Variants in EPHA7 observed in about 807,000 individuals in gnomAD.
EPHA7 encodes EPH receptor A7, also known as ephrin type-A receptor 7.
In EPHA7, 25 loss-of-function variants were observed where a neutral mutation model predicts 112.6. That is an observed-to-expected ratio of 0.22 (90% CI 0.16 to 0.31). The LOEUF (loss-of-function observed/expected upper bound fraction) is 0.31, where lower values mean the gene tolerates loss of function less well. EPHA7 is among the 10% of genes least tolerant of loss of function. The pLI is 1.00. For missense variants in EPHA7, 962 were observed against 1,212.6 expected (o/e 0.79, Z 3.07); for synonymous variants, 437 against 406.5 (o/e 1.07, Z -0.90).
chr6:93,304,061 A>G (rs1773128719), intron 5 of EPHA7, among the ~76,000 whole-genome samples: 1 of 151,906 alleles, frequency 6.6e-6, no homozygotes, highest in Non-Finnish European at 1.5e-5. Flanking sequence ...GACATTGGAC[A>G]TTTCTCTGAC....
At chr6:93,290,345 T>C (rs1453939340) in intron 5 of EPHA7, among the ~76,000 whole-genome samples, 1 of 152,162 alleles carries the variant, frequency 6.6e-6, no homozygotes, top group African/African-American at 2.4e-5. Context: ...TCATTTAATA[T>C]AATGCTGTCA....
intron 9 of EPHA7, chr6:93,260,785 G>T: frequency 1.0e-6 from 1 of 952,514 alleles, no homozygotes; most frequent in Non-Finnish European, 1.2e-6. Flanking sequence ...TAAAGCTGAA[G>T]ATGAAAAAAA....
intron 5 of EPHA7, among the ~76,000 whole-genome samples, chr6:93,295,146 G>A (rs1772595106): frequency 6.6e-6 from 1 of 151,948 alleles, no homozygotes; most frequent in Non-Finnish European, 1.5e-5. Context: ...TGAACTTTGT[G>A]TGAATGTGTA....
At chr6:93,416,846 G>C (rs1779256369) in intron 1 of EPHA7, among the ~76,000 whole-genome samples, 3 of 152,052 alleles carry the variant, frequency 2.0e-5, no homozygotes, top group Admixed American at 2.0e-4. Context: ...CGACCGCGCG[G>C]GCAAAGGCTG....
chr6:93,358,531 AT>A, intron 3 of EPHA7, 120 bp from the exon 4 acceptor site: 1 of 771,146 alleles, frequency 1.3e-6, no homozygotes, highest in South Asian at 2.6e-5. Context: ...CAAGCTCTTG[AT>A]GATAAAATAT....
intron 5 of EPHA7, among the ~76,000 whole-genome samples, chr6:93,319,524 A>G (rs1027198248): frequency 6.6e-6 from 1 of 152,172 alleles, no homozygotes. Flanking sequence ...GCAGCAGATC[A>G]CATAAAGCCT....
At chr6:93,276,146 A>G (rs1771459498) in intron 5 of EPHA7, among the ~76,000 whole-genome samples, 1 of 152,034 alleles carries the variant, frequency 6.6e-6, no homozygotes, top group South Asian at 2.1e-4. Flanking sequence ...TACTGTAAAT[A>G]TAATTAAGGT....
At chr6:93,282,459 A>C (rs937589079) in intron 5 of EPHA7, among the ~76,000 whole-genome samples, 1 of 152,262 alleles carries the variant, frequency 6.6e-6, no homozygotes, top group Admixed American at 6.5e-5. Context: ...TTCACTGCAG[A>C]TAGTAATGAG....
chr6:93,391,325 T>C (rs1176105566), intron 3 of EPHA7, among the ~76,000 whole-genome samples: 1 of 151,894 alleles, frequency 6.6e-6, no homozygotes. Flanking sequence ...ACTAATATGG[T>C]ATCACCATCT....
chr6:93,296,007 G>T (rs1323468278), intron 5 of EPHA7, among the ~76,000 whole-genome samples: 2 of 151,462 alleles, frequency 1.3e-5, no homozygotes, highest in African/African-American at 4.8e-5. Context: ...TTAATTTAAG[G>T]CTTTATATAT....
intron 5 of EPHA7, among the ~76,000 whole-genome samples, chr6:93,298,394 T>C (rs1266750100): frequency 8.6e-5 from 13 of 152,046 alleles, no homozygotes; most frequent in Admixed American, 8.5e-4. Flanking sequence ...TCAAACATCA[T>C]ATCAGAGCCA....
chr6:93,380,192 C>T (rs991699185), intron 3 of EPHA7, among the ~76,000 whole-genome samples: 7 of 152,008 alleles, frequency 4.6e-5, no homozygotes, highest in African/African-American at 1.7e-4. Flanking sequence ...AAAGACCAAA[C>T]ACATCAAATC....
intron 2 of EPHA7, among the ~76,000 whole-genome samples, chr6:93,413,376 A>G (rs1466239929): frequency 6.6e-6 from 1 of 151,928 alleles, no homozygotes; most frequent in African/African-American, 2.4e-5. Context: ...TGTGTATTAC[A>G]TGGATGAAAT....
At chr6:93,324,921 C>T (rs370943253) in intron 5 of EPHA7, among the ~76,000 whole-genome samples, 8 of 151,382 alleles carry the variant, frequency 5.3e-5, no homozygotes, top group African/African-American at 1.9e-4. Flanking sequence ...ATGTGCAAGC[C>T]TTTTATTGAT....
chr6:93,366,686 T>G (rs1776530234), intron 3 of EPHA7, among the ~76,000 whole-genome samples: 1 of 152,184 alleles, frequency 6.6e-6, no homozygotes, highest in Non-Finnish European at 1.5e-5. Context: ...CAGAGATCCG[T>G]CTGCCAACCG....
chr6:93,260,306 T>C (rs1206262299), intron 9 of EPHA7, among the ~76,000 whole-genome samples: 1 of 151,820 alleles, frequency 6.6e-6, no homozygotes, highest in Non-Finnish European at 1.5e-5. Flanking sequence ...ATCTTAAAAG[T>C]TAAAATCTTC....
At chr6:93,350,681 G>A (rs1775647089) in intron 5 of EPHA7, among the ~76,000 whole-genome samples, 1 of 151,932 alleles carries the variant, frequency 6.6e-6, no homozygotes, top group South Asian at 2.1e-4. Context: ...ATTCTTTGAA[G>A]CTTTCTTATA....
intron 1 of EPHA7, among the ~76,000 whole-genome samples, chr6:93,418,952 C>A (rs754919995): frequency 1.3e-5 from 2 of 152,190 alleles, no homozygotes; most frequent in Non-Finnish European, 1.5e-5. Flanking sequence ...GCAGTTCCTC[C>A]AACCCCACCC....
At chr6:93,250,672 T>A (rs1458929197) in intron 14 of EPHA7, among the ~76,000 whole-genome samples, 3 of 152,122 alleles carry the variant, frequency 2.0e-5, no homozygotes, top group Non-Finnish European at 4.4e-5. Flanking sequence ...AGAGGTAAGA[T>A]AGCTGGCCCT....
Sources: gnomAD v4.1 joint callset for allele counts (sites outside exome capture counted in the v4.1 genomes callset) on GRCh38, gnomAD v4.1.1 for gene constraint, MANE v1.5 for transcripts, NCBI Gene and HGNC (gene_info 2026-07-23, HGNC 2026-07-21) for gene names.